Variants in RGS12 observed in about 807,000 individuals in gnomAD.
RGS12 encodes regulator of G-protein signaling 12.
RGS12 carries 66 observed loss-of-function variants against 120.1 expected under a neutral mutation model. The observed-to-expected ratio is 0.55, with a 90% CI of 0.45 to 0.67. The LOEUF (loss-of-function observed/expected upper bound fraction) is 0.67, where lower values mean the gene tolerates loss of function less well. RGS12 is among the 30% of genes least tolerant of loss of function. RGS12 has a pLI of 0.00. For missense variants in RGS12, 1,859 were observed against 1,957.7 expected (o/e 0.95, Z 0.95); for synonymous variants, 827 against 804.7 (o/e 1.03, Z -0.47).
At chr4:3,419,124 A>T (rs560918182) in intron 9 of RGS12, 2 of 152,122 alleles carry the variant, frequency 1.3e-5, no homozygotes, top group Non-Finnish European at 2.9e-5. Context: ...TGAGGTCAGA[A>T]GTTCGAGACC....
rs933632998 is a variant in RGS12 at position 3,406,396 on chromosome 4, G to A, written c.2021-7676G>A. 5.3e-5 allele frequency among the ~76,000 whole-genome samples: 8 copies of A among 152,344 alleles called. No individual in the cohort carries two copies. The East Asian group carries it at 1.5e-3, about 29-fold the overall frequency. ...TTCTTGGAAAATGTGGAGCTTGATT[G>A]GATGCCTTTGTAGTGGAGCTTCCAT... On this transcript the variant is annotated intron_variant, in intron 4 of 17. Coordinates refer to ENST00000336727, the MANE Select transcript of RGS12 (RefSeq NM_001394154.1).
chr4:3,340,443 G>A (rs937595622), intron 2 of RGS12, among the ~76,000 whole-genome samples: 4 of 152,228 alleles, frequency 2.6e-5, no homozygotes, highest in African/African-American at 9.6e-5. Context: ...GGGTTGTTTG[G>A]GTTGAGGGGT....
At chr4:3,436,376 C>T (rs111604443) in intron 17 of RGS12, among the ~76,000 whole-genome samples, 10 of 152,308 alleles carry the variant, frequency 6.6e-5, no homozygotes, top group African/African-American at 1.9e-4. Context: ...TTGTGCCCTG[C>T]GAGCTTCCAA....
upstream of RGS12, among the ~76,000 whole-genome samples, chr4:3,291,429 C>T (rs1723015061): frequency 6.6e-6 from 1 of 151,286 alleles, no homozygotes; most frequent in African/African-American, 2.4e-5. Context: ...TCACAGCAAC[C>T]TCCGCCTCCG....
chr4:3,299,388 G>C (rs1232438302), intron 1 of RGS12, among the ~76,000 whole-genome samples: 1 of 152,130 alleles, frequency 6.6e-6, no homozygotes, highest in Non-Finnish European at 1.5e-5. Flanking sequence ...CTGTGCTCTA[G>C]CCATTTTTAG....
chr4:3,316,324 C>T lies in RGS12; in HGVS notation c.154C>T (p.Pro52Ser), dbSNP rs200349740. 12 of 1,614,148 alleles carry T rather than the reference C, an allele frequency of 7.4e-6. No individual in the cohort carries two copies. The highest frequency in any genetic ancestry group is 4.0e-5 in the African/African-American group (3 of 75,058). Residue 52 changes from proline (P) to serine (S), a missense_variant, in exon 2 of 18, where the codon CCT becomes TCT. This residue lies in a region of RGS12 where 967 missense variants were observed against 994.2 expected (regional missense o/e 0.97). Coordinates refer to ENST00000336727, the MANE Select transcript of RGS12 (RefSeq NM_001394154.1). ...GCTCAGCTGCGTCATGAGAGGGAGC[C>T]CTGCGGATTTCGTGGGCCTCCGAGC... ...CVLSCVMRGSPADFVGLRAGD... is the reference protein window; with the variant it reads ...CVLSCVMRGSSADFVGLRAGD...
chr4:3,308,281 A>G (rs1320638361), intron 1 of RGS12, among the ~76,000 whole-genome samples: 1 of 152,218 alleles, frequency 6.6e-6, no homozygotes, highest in Non-Finnish European at 1.5e-5. Context: ...ACATGTGACG[A>G]TCTCAACAGC....
At chr4:3,292,443 C>T (rs949211633), upstream of RGS12, among the ~76,000 whole-genome samples, 7 of 152,196 alleles carry the variant, frequency 4.6e-5, no homozygotes, top group Non-Finnish European at 8.8e-5. Flanking sequence ...CCCGTGGCTT[C>T]GCCGCGGGAA....
rs1326054676 is a variant in RGS12, at chr4:3,423,495, A to AT, written c.3108-14dup. 1 of 1,612,042 alleles carries AT rather than the reference A, an allele frequency of 6.2e-7. No homozygotes were observed. Among genetic ancestry groups the AT allele is most frequent in the African/African-American group, 1.3e-5 (1 of 74,802 alleles). On this transcript the variant is annotated intron_variant, in intron 12 of 17. Coordinates refer to ENST00000336727, the MANE Select transcript of RGS12 (RefSeq NM_001394154.1). ...GAGGGCTGACATGAGTTGGTAGTGA[A>AT]TTTTTTCATCCCCCACCAGGCTGGA...
chr4:3,326,115 C>A (rs999484906), intron 2 of RGS12, among the ~76,000 whole-genome samples: 15 of 152,156 alleles, frequency 9.9e-5, no homozygotes, highest in African/African-American at 2.4e-5. Flanking sequence ...TGGAACAAGA[C>A]AAGAATGCCC....
At chr4:3,289,363 C>G (rs1290878719), upstream of RGS12, among the ~76,000 whole-genome samples, 5 of 152,110 alleles carry the variant, frequency 3.3e-5, no homozygotes, top group East Asian at 9.7e-4. Flanking sequence ...CCACCACGCC[C>G]AGCTAATTTT....
At chr4:3,428,190 A>G (rs1254672940) in intron 15 of RGS12, 21 bp downstream of exon 15, 27 of 1,605,274 alleles carry the variant, frequency 1.7e-5, no homozygotes, top group Non-Finnish European at 2.3e-5. Context: ...ACCCTGGCCC[A>G]CCCTGTGCCC....
At chr4:3,331,982 G>T (rs906773547) in intron 2 of RGS12, among the ~76,000 whole-genome samples, 2 of 152,214 alleles carry the variant, frequency 1.3e-5, no homozygotes, top group Non-Finnish European at 2.9e-5. Flanking sequence ...GAATGGTATC[G>T]CAGTGAGGAC....
intron 3 of RGS12, among the ~76,000 whole-genome samples, chr4:3,354,822 A>G (rs922597723): frequency 3.3e-5 from 5 of 152,242 alleles, no homozygotes; most frequent in African/African-American, 1.2e-4. Context: ...GAAGTTAGAC[A>G]AAAAGTTGTA....
At chr4:3,315,737 C>T (rs1030764650) in intron 1 of RGS12, among the ~76,000 whole-genome samples, 5 of 152,192 alleles carry the variant, frequency 3.3e-5, no homozygotes, top group African/African-American at 1.2e-4. Flanking sequence ...AGACGGGCTG[C>T]CAGTCCACGG....
chr4:3,310,333 C>A (rs558029666), intron 1 of RGS12, among the ~76,000 whole-genome samples: 1 of 132,428 alleles, frequency 7.6e-6, no homozygotes, highest in African/African-American at 2.8e-5. Flanking sequence ...GGGAACCGGG[C>A]GGGAGAGGAG....
intron 17 of RGS12, among the ~76,000 whole-genome samples, chr4:3,435,328 T>C (rs1034403565): frequency 3.9e-5 from 6 of 151,936 alleles, no homozygotes; most frequent in Non-Finnish European, 7.4e-5. Flanking sequence ...TGGCTCCTGC[T>C]CTGTCCAAGA....
At position 3,430,852 on chromosome 4, in the gene RGS12, G is replaced by A. The variant is rs1237783769; in HGVS notation, c.4011G>A (p.Val1337=). ...GGIQTVEDEH[V]AELTLMGEGD... is the part of the protein sequence containing the mutation. ...TCCAGACGGTGGAGGATGAGCACGT[G>A]GCCGAGCTGACCCTGATGGGGGAGG... The change falls in exon 17 of 18, where the codon GTG becomes GTA. Residue 1337 remains valine (V), a synonymous_variant. Coordinates refer to ENST00000336727, the MANE Select transcript of RGS12 (RefSeq NM_001394154.1). 2 of 1,612,026 alleles carry A rather than the reference G, an allele frequency of 1.2e-6. No individual in the cohort carries two copies. The highest frequency in any genetic ancestry group is 1.7e-6 in the Non-Finnish European group (2 of 1,179,624).
intron 1 of RGS12, among the ~76,000 whole-genome samples, chr4:3,307,794 CT>C (rs1724056526): frequency 6.6e-6 from 1 of 152,214 alleles, no homozygotes; most frequent in Non-Finnish European, 1.5e-5. Flanking sequence ...TTTAAGTGCC[CT>C]GGTGTTTGGG....
Sources: allele counts gnomAD v4.1 joint callset (sites outside exome capture counted in the v4.1 genomes callset), GRCh38; gene constraint gnomAD v4.1.1; regional missense constraint gnomAD v4.1.1; transcripts MANE v1.5; gene names NCBI Gene and HGNC (gene_info 2026-07-23, HGNC 2026-07-21).